The following CFAP77 variants were observed in gnomAD, a reference collection of about 807,000 sequenced individuals.
CFAP77 encodes the protein cilia and flagella associated protein 77.
CFAP77 carries 25 observed loss-of-function variants against 31.1 expected under a neutral mutation model. The ratio of observed to expected loss-of-function variants is 0.80; its 90% CI spans 0.59 to 1.12. The LOEUF (loss-of-function observed/expected upper bound fraction) is 1.12. CFAP77 is among the 50% of genes most tolerant of loss of function. CFAP77 has a pLI of 0.00. For synonymous variants in CFAP77, 151 were observed against 159.9 expected (o/e 0.94, Z 0.42); for missense variants, 377 against 397.3 (o/e 0.95, Z 0.44).
intron 1 of CFAP77, among the ~76,000 whole-genome samples, chr9:132,484,416 C>T (rs532112308): frequency 6.6e-6 from 1 of 152,350 alleles, no homozygotes; most frequent in South Asian, 2.1e-4. Flanking sequence ...CCTCCAGCTG[C>T]AGGCAACCAC....
At chr9:132,519,363 G>A (rs1310526393) in intron 3 of CFAP77, among the ~76,000 whole-genome samples, 1 of 147,076 alleles carries the variant, frequency 6.8e-6, no homozygotes, top group East Asian at 2.1e-4. Flanking sequence ...TGGGTGGATG[G>A]TTGGGTGGAT....
Position 132,497,941 on chromosome 9 carries a change from C to T in CFAP77, c.196-754C>T, listed in dbSNP as rs1050114076. On this transcript the variant is annotated intron_variant, in intron 1 of 5. Transcript: ENST00000393216. This position sits in a 1 kb window ranked among gnomAD's most constrained non-coding sequence, Gnocchi z 4.9. ...AGAGCGCCAGTCAAGAGGACAGGCA[C>T]GCCTCCATGCGATGCCCTGCCCAGC... Among the ~76,000 whole-genome samples the T allele has an allele frequency of 1.4e-4, 22 of 152,158 alleles. No homozygotes were observed. Among genetic ancestry groups the T allele is most frequent in the Non-Finnish European group, 2.4e-4 (16 of 68,024 alleles).
rs1554738861 is a variant in CFAP77, at chr9:132,458,357, G to GCGGGGAGTGT, written c.196-40338_196-40337insCGGGGAGTGT. 1.2e-4 allele frequency among the ~76,000 whole-genome samples: 14 copies of GCGGGGAGTGT among 119,106 alleles called. No homozygotes were observed. In the East Asian group the frequency reaches 1.4e-3, roughly 12 times the overall value. 78.1% of individuals were successfully genotyped at this position (119,106 alleles called of 152,430 possible). A position where few individuals can be genotyped will look rare whatever the true frequency, so the allele number is the denominator to read the frequency against. On this transcript the variant is annotated intron_variant, in intron 1 of 5. Transcript: ENST00000393216. ...GTCTCCCTGGCGGGGGAGGGGGGGGGGTGTGTATGGAAGGCTCAGCTCATC... is the reference window on the plus strand; with the variant it reads ...GTCTCCCTGGCGGGGGAGGGGGGGGGCGGGGAGTGTGTGTGTATGGAAGGCTCAGCTCATC...
chr9:132,520,847 C>T (rs1205688628), intron 3 of CFAP77, among the ~76,000 whole-genome samples: 1 of 152,222 alleles, frequency 6.6e-6, no homozygotes, highest in East Asian at 1.9e-4. Context: ...TTCCTCTCTC[C>T]CTGGGCTCTG....
At chr9:132,431,324 A>G (rs372775366) in intron 1 of CFAP77, among the ~76,000 whole-genome samples, 36 of 152,344 alleles carry the variant, frequency 2.4e-4, no homozygotes, top group African/African-American at 8.2e-4. Flanking sequence ...CAGAGTCTCT[A>G]CAATGGGTCA....
rs745945804 is a variant in CFAP77 at position 132,480,020 on chromosome 9, C to A, written c.196-18675C>A. On this transcript the variant is annotated intron_variant, in intron 1 of 5. Coordinates refer to ENST00000393216, the MANE Select transcript of CFAP77 (RefSeq NM_001282957.2). This position sits in a 1 kb window ranked among gnomAD's most constrained non-coding sequence, Gnocchi z 5.8. ...GCAGATGATGCGGCTCTGGATGACACGGATGGAGACGCGCTCCAGATAGGA... is the reference window on the plus strand; with the variant it reads ...GCAGATGATGCGGCTCTGGATGACAAGGATGGAGACGCGCTCCAGATAGGA... Among the ~76,000 whole-genome samples the A allele has an allele frequency of 6.6e-6, 1 of 152,176 alleles. No individual in the cohort carries two copies. Among genetic ancestry groups the A allele is most frequent in the Non-Finnish European group, 1.5e-5 (1 of 68,026 alleles).
At chr9:132,449,973 C>T (rs894153277) in intron 1 of CFAP77, among the ~76,000 whole-genome samples, 1 of 152,068 alleles carries the variant, frequency 6.6e-6, no homozygotes, top group Non-Finnish European at 1.5e-5. Flanking sequence ...AGTGCAGTGG[C>T]ACTATCTCAG....
Position 132,516,590 on chromosome 9 carries a change from T to C in CFAP77, c.524+16990T>C, listed in dbSNP as rs964532795. 3.0e-4 allele frequency among the ~76,000 whole-genome samples: 43 copies of C among 145,050 alleles called. No homozygotes were observed. In the East Asian group the frequency reaches 7.5e-3, roughly 25 times the overall value. On this transcript the variant is annotated intron_variant, in intron 3 of 5. Transcript: ENST00000393216. ...AACACATGATTAAACCACACAGAAA[T>C]ACACACACACACACACACACACACA...
chr9:132,435,716 T>A (rs1456519457), intron 1 of CFAP77, among the ~76,000 whole-genome samples: 2 of 152,132 alleles, frequency 1.3e-5, no homozygotes, highest in Admixed American at 1.3e-4. Context: ...TAGCAGGAAC[T>A]CAATTAACAT....
chr9:132,478,385 C>T (rs1394488796), intron 1 of CFAP77, among the ~76,000 whole-genome samples: 1 of 152,110 alleles, frequency 6.6e-6, no homozygotes, highest in African/African-American at 2.4e-5. Context: ...ACTGGTTCCC[C>T]CCATTTGTTC....
intron 1 of CFAP77, among the ~76,000 whole-genome samples, chr9:132,483,835 C>T (rs965634228): frequency 6.6e-6 from 1 of 152,094 alleles, no homozygotes; most frequent in Non-Finnish European, 1.5e-5. Flanking sequence ...GTCACTTTGT[C>T]TGCACGTCTT....
chr9:132,446,702 C>T (rs1850724558), intron 1 of CFAP77, among the ~76,000 whole-genome samples: 1 of 144,666 alleles, frequency 6.9e-6, no homozygotes, highest in Non-Finnish European at 1.5e-5. Flanking sequence ...GATCACACCA[C>T]TGCACTCCAG....
chr9:132,506,283 C>T (rs141580788), intron 3 of CFAP77, among the ~76,000 whole-genome samples: 28 of 152,282 alleles, frequency 1.8e-4, no homozygotes, highest in Non-Finnish European at 3.8e-4. Context: ...ACCCAAGGTC[C>T]GGAAACAGAT....
At chr9:132,456,497 C>T (rs538139806) in intron 1 of CFAP77, among the ~76,000 whole-genome samples, 43 of 152,352 alleles carry the variant, frequency 2.8e-4, no homozygotes, top group Non-Finnish European at 5.1e-4. Context: ...TAGACAGGGG[C>T]AGTGCCTTCT....
At chr9:132,459,439 G>GTA (rs1190880963) in intron 1 of CFAP77, among the ~76,000 whole-genome samples, 2 of 151,772 alleles carry the variant, frequency 1.3e-5, no homozygotes, top group African/African-American at 4.8e-5. Context: ...GTGTGTGTGT[G>GTA]TGTGTGTGTG....
intron 5 of CFAP77, among the ~76,000 whole-genome samples, chr9:132,546,846 C>G (rs2119073939): frequency 6.6e-6 from 1 of 152,354 alleles, no homozygotes; most frequent in South Asian, 2.1e-4. Context: ...CTCCAGACCT[C>G]TGTTTCCTCA....
intron 3 of CFAP77, among the ~76,000 whole-genome samples, chr9:132,505,892 CTT>C (rs1274530563): frequency 1.3e-5 from 2 of 152,232 alleles, no homozygotes; most frequent in Non-Finnish European, 2.9e-5. Flanking sequence ...ACGGCAGCCT[CTT>C]TGTGTCCTCT....
chr9:132,427,032 A>G (rs920431990), intron 1 of CFAP77, among the ~76,000 whole-genome samples: 2 of 152,196 alleles, frequency 1.3e-5, no homozygotes, highest in Non-Finnish European at 2.9e-5. Flanking sequence ...ATCGAAATAT[A>G]AAGAAGACAC....
intron 1 of CFAP77, among the ~76,000 whole-genome samples, chr9:132,489,326 C>A (rs1438647269): frequency 6.6e-6 from 1 of 152,142 alleles, no homozygotes; most frequent in Non-Finnish European, 1.5e-5. Flanking sequence ...GTGGGGATAC[C>A]ATGGCCTCCC....
Sources: gnomAD v4.1 joint callset for allele counts (sites outside exome capture counted in the v4.1 genomes callset) on GRCh38, gnomAD v4.1.1 for gene constraint, Gnocchi (gnomAD v3.1) non-coding constraint, MANE v1.5 for transcripts, NCBI Gene and HGNC (gene_info 2026-07-23, HGNC 2026-07-21) for gene names.